NFIB: variants seen among roughly 807,000 people sequenced by gnomAD.
The protein encoded by NFIB is nuclear factor I B.
In NFIB, 11 loss-of-function variants were observed where a neutral mutation model predicts 61.5. That is an observed-to-expected ratio of 0.18 (90% CI 0.11 to 0.30). The LOEUF (loss-of-function observed/expected upper bound fraction) is 0.30. Ranked by LOEUF, NFIB falls within the 10% of genes least tolerant of loss-of-function variation. NFIB has a pLI of 1.00. For synonymous variants in NFIB, 260 were observed against 216.5 expected (o/e 1.20, Z -1.76); for missense variants, 471 against 608.9 (o/e 0.77, Z 2.38).
intron 10 of NFIB, chr9:14,094,173 T>C (rs1451984693): frequency 1.3e-5 from 2 of 152,080 alleles, no homozygotes; most frequent in Non-Finnish European, 2.9e-5. Context: ...CCACTAAACT[T>C]TTCTCATCTC....
At chr9:14,201,019 C>G (rs1587549189) in intron 2 of NFIB, among the ~76,000 whole-genome samples, 2 of 152,142 alleles carry the variant, frequency 1.3e-5, no homozygotes, top group East Asian at 3.9e-4. Flanking sequence ...CTCCCCAAAG[C>G]TTCACATTCA....
chr9:14,518,637 G>A, the NFIB span, among the ~76,000 whole-genome samples: 5 of 151,598 alleles, frequency 3.3e-5, no homozygotes, highest in East Asian at 5.8e-4. Context: ...CAGTTTCTGG[G>A]CTCAAGACTA....
At chr9:14,314,279 C>A, upstream of NFIB, 1 of 481,506 alleles carries the variant, frequency 2.1e-6, no homozygotes, top group Non-Finnish European at 2.7e-6. Flanking sequence ...GCGTGGTCCC[C>A]GGCAGCAGCA....
chr9:14,176,141 G>C (rs1215506753), intron 3 of NFIB, among the ~76,000 whole-genome samples: 1 of 151,752 alleles, frequency 6.6e-6, no homozygotes, highest in African/African-American at 2.4e-5. Flanking sequence ...GGTAAAAAGA[G>C]ATTCATGTCT....
chr9:14,222,795 C>CAAAAAA (rs58787088), intron 2 of NFIB, among the ~76,000 whole-genome samples: 6,877 of 86,714 alleles, frequency 0.079, 543 homozygotes, highest in Middle Eastern at 0.13. Context: ...GATCCTGTCT[C>CAAAAAA]AAAAAAAAAA....
At chr9:14,432,403 G>A in the NFIB span, among the ~76,000 whole-genome samples, 1 of 152,170 alleles carries the variant, frequency 6.6e-6, no homozygotes, top group South Asian at 2.1e-4. Flanking sequence ...ACCCATTCCT[G>A]GGTACATGGT....
chr9:14,230,598 G>T (rs1285029901), intron 2 of NFIB, among the ~76,000 whole-genome samples: 2 of 152,116 alleles, frequency 1.3e-5, no homozygotes, highest in Non-Finnish European at 2.9e-5. Flanking sequence ...AAAAATACAT[G>T]AAAGAGAAAA....
chr9:14,125,600 G>T, intron 7 of NFIB, 32 bp downstream of exon 7: 1 of 1,611,972 alleles, frequency 6.2e-7, no homozygotes, highest in Non-Finnish European at 8.5e-7. Context: ...AGACAAGAAG[G>T]AGGCTTCTCC....
chr9:14,277,730 T>C (rs1223347416), intron 2 of NFIB, among the ~76,000 whole-genome samples: 1 of 152,174 alleles, frequency 6.6e-6, no homozygotes, highest in Non-Finnish European at 1.5e-5. Flanking sequence ...AAATGTCAAG[T>C]ACATTTAAGC....
the NFIB span, among the ~76,000 whole-genome samples, chr9:14,449,165 T>C: frequency 6.6e-6 from 1 of 152,346 alleles, no homozygotes; most frequent in African/African-American, 2.4e-5. Context: ...TCTACTAATA[T>C]TTAATGGCAT....
chr9:14,435,877 G>C, the NFIB span, among the ~76,000 whole-genome samples: 1 of 152,128 alleles, frequency 6.6e-6, no homozygotes, highest in South Asian at 2.1e-4. Context: ...ATTTGAAAAA[G>C]GAATAACTTT....
chr9:14,433,572 CT>C, the NFIB span, among the ~76,000 whole-genome samples: 1 of 152,200 alleles, frequency 6.6e-6, no homozygotes, highest in Non-Finnish European at 1.5e-5. Flanking sequence ...CTGCTGACAT[CT>C]TTCCAAATAA....
chr9:14,490,801 T>C, the NFIB span, among the ~76,000 whole-genome samples: 53 of 152,302 alleles, frequency 3.5e-4, no homozygotes, highest in African/African-American at 1.1e-3. Context: ...ATAGGTTCTT[T>C]TACACTGCTG....
At chr9:14,174,985 T>A (rs2045999553) in intron 3 of NFIB, among the ~76,000 whole-genome samples, 1 of 152,088 alleles carries the variant, frequency 6.6e-6, no homozygotes, top group East Asian at 1.9e-4. Context: ...ATATCGGCTC[T>A]AGTGATCTCA....
Position 14,082,645 on chromosome 9 carries a change from GT to G in NFIB, c.*5663del, listed in dbSNP as rs1426391966. 4 of 196,284 alleles carry G rather than the reference GT, an allele frequency of 2.0e-5. No homozygotes were observed. Among genetic ancestry groups the G allele is most frequent in the Non-Finnish European group, 4.1e-5 (4 of 96,704 alleles). The allele number at this position is 196,284 out of a possible 1,614,324, so 12.2% of individuals were successfully genotyped here. On this transcript the variant is annotated 3_prime_UTR_variant, in exon 11 of 11. Transcript: ENST00000380953. ...GAACAGGCACTGCTCATTTGTTTGA[GT>G]TTTTTGGTAAACATTTTGCTGGTTT... is the stretch of plus-strand genomic sequence containing the variant.
the NFIB span, among the ~76,000 whole-genome samples, chr9:14,468,138 G>C: frequency 6.6e-6 from 1 of 152,176 alleles, no homozygotes; most frequent in African/African-American, 2.4e-5. Flanking sequence ...CAACCGATTT[G>C]ACAAAGCCAC....
chr9:14,157,711 C>T (rs1007754365), intron 3 of NFIB, among the ~76,000 whole-genome samples: 10 of 151,996 alleles, frequency 6.6e-5, no homozygotes, highest in African/African-American at 2.4e-4. Flanking sequence ...CTTGCCTGGT[C>T]GGGGAAAGAG....
At chr9:14,466,593 C>A in the NFIB span, among the ~76,000 whole-genome samples, 553 of 152,288 alleles carry the variant, frequency 3.6e-3, 3 homozygotes, top group African/African-American at 0.013. Context: ...CGTCTGTCAG[C>A]CTTCCCTCCT....
intron 6 of NFIB, among the ~76,000 whole-genome samples, chr9:14,131,942 G>C (rs1021151681): frequency 6.6e-6 from 1 of 152,084 alleles, no homozygotes; most frequent in Non-Finnish European, 1.5e-5. Flanking sequence ...TTCACATATA[G>C]TAGAGCAATA....
Sources: gnomAD v4.1 joint callset for allele counts (sites outside exome capture counted in the v4.1 genomes callset) on GRCh38, gnomAD v4.1.1 for gene constraint, MANE v1.5 for transcripts, NCBI Gene and HGNC (gene_info 2026-07-23, HGNC 2026-07-21) for gene names.